AOAH: variants seen among roughly 807,000 people sequenced by gnomAD.
AOAH encodes the protein acyloxyacyl hydrolase.
AOAH carries 64 observed loss-of-function variants against 92.2 expected under a neutral mutation model. The observed-to-expected ratio is 0.69, with a 90% CI of 0.57 to 0.86. The LOEUF (loss-of-function observed/expected upper bound fraction) is 0.86, where lower values mean the gene tolerates loss of function less well. AOAH is among the 40% of genes least tolerant of loss of function. The pLI is 0.00. For missense variants in AOAH, 656 were observed against 694.6 expected (o/e 0.94, Z 0.62); for synonymous variants, 263 against 254.5 (o/e 1.03, Z -0.32).
intron 2 of AOAH, among the ~76,000 whole-genome samples, chr7:36,684,166 A>C (rs1171881097): frequency 6.6e-6 from 1 of 152,204 alleles, no homozygotes; most frequent in Non-Finnish European, 1.5e-5. Flanking sequence ...ACACTTTGTC[A>C]TACCAGTTAG....
intron 20 of AOAH, 89 bp downstream of exon 20, chr7:36,521,950 A>T (rs1784126301): frequency 8.9e-7 from 1 of 1,124,994 alleles, no homozygotes. Flanking sequence ...ACAAAACAGG[A>T]TAAAAATAAA....
chr7:36,654,888 C>T (rs1794785670), intron 4 of AOAH, among the ~76,000 whole-genome samples: 1 of 152,160 alleles, frequency 6.6e-6, no homozygotes, highest in South Asian at 2.1e-4. Context: ...AGCTGTATAG[C>T]CTGGGAAAAT....
intron 2 of AOAH, among the ~76,000 whole-genome samples, chr7:36,675,039 G>A (rs752827028): frequency 4.1e-4 from 62 of 152,216 alleles, no homozygotes; most frequent in Non-Finnish European, 7.8e-4. Flanking sequence ...TAGATCGCCT[G>A]CGGTCAGGAG....
chr7:36,562,637 A>C (rs1171685246), intron 13 of AOAH, among the ~76,000 whole-genome samples: 1 of 152,200 alleles, frequency 6.6e-6, no homozygotes, highest in East Asian at 1.9e-4. Context: ...ACATAATCCC[A>C]GCATTGGTTA....
intron 12 of AOAH, among the ~76,000 whole-genome samples, chr7:36,591,969 T>C (rs1168951871): frequency 6.6e-6 from 1 of 152,232 alleles, no homozygotes; most frequent in Non-Finnish European, 1.5e-5. Flanking sequence ...TTAAACTACT[T>C]GGAAATTAAT....
At chr7:36,706,665 T>A (rs1389677114) in intron 1 of AOAH, among the ~76,000 whole-genome samples, 2 of 152,318 alleles carry the variant, frequency 1.3e-5, no homozygotes, top group Admixed American at 1.3e-4. Context: ...ACATCAACAA[T>A]CATTTGCTTA....
intron 3 of AOAH, among the ~76,000 whole-genome samples, chr7:36,660,616 T>A (rs1795161670): frequency 6.6e-6 from 1 of 152,210 alleles, no homozygotes; most frequent in African/African-American, 2.4e-5. Flanking sequence ...TGCACCAGGC[T>A]GGGCATATTT....
At chr7:36,680,798 CA>C (rs1796597994) in intron 2 of AOAH, among the ~76,000 whole-genome samples, 1 of 152,138 alleles carries the variant, frequency 6.6e-6, no homozygotes, top group African/African-American at 2.4e-5. Context: ...AAAATTGCTC[CA>C]GTTGAAAAGG....
chr7:36,655,363 C>T (rs1228528084), intron 4 of AOAH, among the ~76,000 whole-genome samples: 1 of 150,936 alleles, frequency 6.6e-6, no homozygotes, highest in Admixed American at 6.6e-5. Flanking sequence ...AATTACTTTA[C>T]AGAGAAGGTG....
intron 11 of AOAH, among the ~76,000 whole-genome samples, chr7:36,607,027 A>G (rs1402375459): frequency 1.3e-5 from 2 of 152,212 alleles, no homozygotes; most frequent in Admixed American, 6.5e-5. Flanking sequence ...ATATCTTTCC[A>G]GATGAATACA....
At chr7:36,616,104 G>A (rs1217668086) in intron 11 of AOAH, among the ~76,000 whole-genome samples, 1 of 152,170 alleles carries the variant, frequency 6.6e-6, no homozygotes, top group Non-Finnish European at 1.5e-5. Flanking sequence ...CGGCCCGGTG[G>A]GCTTTGTCCT....
At chr7:36,560,209 A>G (rs1240142749) in intron 13 of AOAH, among the ~76,000 whole-genome samples, 5 of 152,142 alleles carry the variant, frequency 3.3e-5, no homozygotes, top group Non-Finnish European at 7.4e-5. Flanking sequence ...TGCTTTGTCT[A>G]TTCAGGCTTT....
intron 1 of AOAH, among the ~76,000 whole-genome samples, chr7:36,697,562 C>T (rs1183699785): frequency 6.6e-6 from 1 of 152,090 alleles, no homozygotes; most frequent in African/African-American, 2.4e-5. Context: ...TGTGTTTCTT[C>T]CTCCTCTATT....
At chr7:36,617,972 T>C (rs1792019071) in intron 10 of AOAH, among the ~76,000 whole-genome samples, 1 of 152,260 alleles carries the variant, frequency 6.6e-6, no homozygotes, top group Admixed American at 6.5e-5. Context: ...AAACTTCAGT[T>C]ATGATTGCTG....
In AOAH at chr7:36,680,916, C is replaced by T. The variant is rs118158188; in HGVS notation, c.223+5783G>A. Among the ~76,000 whole-genome samples, 50 of 152,308 alleles carry T rather than the reference C, an allele frequency of 3.3e-4. No homozygotes were observed. The East Asian group carries it at 9.2e-3, about 28-fold the overall frequency. On this transcript the variant is annotated intron_variant, in intron 2 of 20. Transcript: ENST00000617537. Reference sequence around the variant, plus strand: ...CAGCCTCTCACTTGATCTTACCAGGCTCTGACATTTCCTGTTCGAAGTCAG... The same window carrying T: ...CAGCCTCTCACTTGATCTTACCAGGTTCTGACATTTCCTGTTCGAAGTCAG...
At chr7:36,600,790 T>C (rs1790511725) in intron 11 of AOAH, among the ~76,000 whole-genome samples, 1 of 152,184 alleles carries the variant, frequency 6.6e-6, no homozygotes, top group African/African-American at 2.4e-5. Flanking sequence ...GGCTTCCTGG[T>C]TGCCTGTTTA....
At chr7:36,717,768 T>A (rs529075321) in intron 1 of AOAH, among the ~76,000 whole-genome samples, 1 of 150,656 alleles carries the variant, frequency 6.6e-6, no homozygotes, top group Non-Finnish European at 1.5e-5. Context: ...AGTTAATTCC[T>A]GTTACTTGCA....
intron 12 of AOAH, among the ~76,000 whole-genome samples, chr7:36,592,061 A>T (rs2116784838): frequency 6.6e-6 from 1 of 152,304 alleles, no homozygotes; most frequent in African/African-American, 2.4e-5. Context: ...CAATATGTAA[A>T]AATTTAAGCT....
At chr7:36,545,751 G>A (rs1289592917) in intron 15 of AOAH, among the ~76,000 whole-genome samples, 2 of 152,240 alleles carry the variant, frequency 1.3e-5, no homozygotes, top group African/African-American at 4.8e-5. Context: ...TGGGGCTAGT[G>A]CTAGATGCTT....
Sources: gnomAD v4.1 joint callset for allele counts (sites outside exome capture counted in the v4.1 genomes callset) on GRCh38, gnomAD v4.1.1 for gene constraint, MANE v1.5 for transcripts, NCBI Gene and HGNC (gene_info 2026-07-23, HGNC 2026-07-21) for gene names.